MAN1C1: variants seen among roughly 807,000 people sequenced by gnomAD.
The protein encoded by MAN1C1 is mannosyl-oligosaccharide 1,2-alpha-mannosidase IC.
In MAN1C1, 49 loss-of-function variants were observed where a neutral mutation model predicts 71.5. The observed-to-expected ratio is 0.69, with a 90% confidence interval of 0.54 to 0.87. The LOEUF is 0.87. Ranked by LOEUF, MAN1C1 falls within the 40% of genes least tolerant of loss-of-function variation. MAN1C1 has a pLI of 0.00. For missense variants in MAN1C1, 743 were observed against 835.0 expected (o/e 0.89, Z 1.36); for synonymous variants, 352 against 343.7 (o/e 1.02, Z -0.27).
chr1:25,623,457 G>C (rs369872011), intron 1 of MAN1C1, among the ~76,000 whole-genome samples: 10 of 113,354 alleles, frequency 8.8e-5, no homozygotes, highest in Admixed American at 6.0e-4. Context: ...GTGGTGGTGG[G>C]GGGGGGTAAG....
chr1:25,652,753 G>A (rs1201251321), intron 1 of MAN1C1, among the ~76,000 whole-genome samples: 4 of 152,122 alleles, frequency 2.6e-5, no homozygotes, highest in Admixed American at 2.6e-4. Context: ...GATCACCCTC[G>A]GGGTTGCAGT....
At chr1:25,748,146 C>G (rs2047162640) in intron 3 of MAN1C1, among the ~76,000 whole-genome samples, 1 of 152,062 alleles carries the variant, frequency 6.6e-6, no homozygotes, top group South Asian at 2.1e-4. Context: ...GCCCACAGTG[C>G]CTTAGGAGCT....
At chr1:25,628,911 C>T (rs2045338851) in intron 1 of MAN1C1, among the ~76,000 whole-genome samples, 1 of 152,154 alleles carries the variant, frequency 6.6e-6, no homozygotes, top group Non-Finnish European at 1.5e-5. Context: ...CAAGTTGCTG[C>T]AAAAGATGTT....
intron 2 of MAN1C1, among the ~76,000 whole-genome samples, chr1:25,734,845 T>C (rs1265423334): frequency 6.6e-6 from 1 of 152,176 alleles, no homozygotes; most frequent in Non-Finnish European, 1.5e-5. Context: ...CAAATTACTG[T>C]AATAGAAGTT....
At chr1:25,636,897 G>A (rs2045469667) in intron 1 of MAN1C1, among the ~76,000 whole-genome samples, 1 of 152,192 alleles carries the variant, frequency 6.6e-6, no homozygotes, top group Non-Finnish European at 1.5e-5. Context: ...GCTCATGCCT[G>A]TAATCCCAGT....
intron 1 of MAN1C1, among the ~76,000 whole-genome samples, chr1:25,628,433 G>A (rs1281609506): frequency 2.6e-5 from 4 of 151,982 alleles, no homozygotes; most frequent in African/African-American, 9.7e-5. Context: ...TCAGTCTCCC[G>A]AGTAGCTGAG....
At chr1:25,682,921 C>T (rs781368458) in intron 1 of MAN1C1, among the ~76,000 whole-genome samples, 1 of 151,914 alleles carries the variant, frequency 6.6e-6, no homozygotes, top group Non-Finnish European at 1.5e-5. Context: ...GTCTGTAATC[C>T]CGGCTACTCG....
At chr1:25,680,253 A>G (rs1396416116) in intron 1 of MAN1C1, among the ~76,000 whole-genome samples, 2 of 152,008 alleles carry the variant, frequency 1.3e-5, no homozygotes, top group Non-Finnish European at 2.9e-5. Context: ...AGTAGAGACA[A>G]GATTTCACCA....
Position 25,746,621 on chromosome 1 carries a change from A to T in MAN1C1, c.638-47A>T, listed in dbSNP as rs556280415. 7.0e-7 allele frequency: 1 copy of T among 1,438,796 alleles called. No homozygotes were observed. The highest frequency in any genetic ancestry group is 9.7e-7 in the Non-Finnish European group (1 of 1,028,630). 89.1% of individuals were successfully genotyped at this position (1,438,796 alleles called of 1,614,324 possible). A position where few individuals can be genotyped will look rare whatever the true frequency, so the allele number is the denominator to read the frequency against. On this transcript the variant is annotated intron_variant, in intron 2 of 11. Coordinates refer to ENST00000374332, the MANE Select transcript of MAN1C1 (RefSeq NM_020379.4). This position sits in a 1 kb window ranked among gnomAD's most constrained non-coding sequence, Gnocchi z 4.0. ...ACGGTGGCTTGTCCAGTTGGGGAAAAGAGAAAGATGGCCCTGGGTCACACC... is the reference window on the plus strand; with the variant it reads ...ACGGTGGCTTGTCCAGTTGGGGAAATGAGAAAGATGGCCCTGGGTCACACC...
chr1:25,771,212 C>T (rs1453127634), intron 7 of MAN1C1, among the ~76,000 whole-genome samples: 2 of 152,242 alleles, frequency 1.3e-5, no homozygotes, highest in East Asian at 3.8e-4. Context: ...GCTTGGCCAG[C>T]TAAATTAAGG....
chr1:25,684,711 G>A (rs954084236), intron 1 of MAN1C1, among the ~76,000 whole-genome samples: 1 of 152,236 alleles, frequency 6.6e-6, no homozygotes, highest in Non-Finnish European at 1.5e-5. Context: ...GCGGGCACCA[G>A]GAGTGGCCGA....
At chr1:25,666,626 C>A (rs768199) in intron 1 of MAN1C1, among the ~76,000 whole-genome samples, 65,195 of 152,074 alleles carry the variant, frequency 0.43, 18,802 homozygotes, top group African/African-American at 0.8. Flanking sequence ...CTCCCCCCAC[C>A]ACTGGCAGCT....
At chr1:25,623,226 A>C (rs2045241866) in intron 1 of MAN1C1, among the ~76,000 whole-genome samples, 1 of 152,204 alleles carries the variant, frequency 6.6e-6, no homozygotes, top group Non-Finnish European at 1.5e-5. Context: ...TGTGCAGTTG[A>C]GTAAAGCTTA....
intron 2 of MAN1C1, among the ~76,000 whole-genome samples, chr1:25,720,989 T>C (rs767794734): frequency 3.9e-5 from 6 of 152,330 alleles, no homozygotes; most frequent in Non-Finnish European, 7.3e-5. Context: ...TAGTATCAGG[T>C]ATTATTTCTG....
At chr1:25,662,797 C>G (rs1233879220) in intron 1 of MAN1C1, among the ~76,000 whole-genome samples, 4 of 152,170 alleles carry the variant, frequency 2.6e-5, no homozygotes, top group Non-Finnish European at 5.9e-5. Flanking sequence ...CACGGTGGCT[C>G]ACGCCTGTAA....
At chr1:25,664,953 G>A (rs1164806258) in intron 1 of MAN1C1, among the ~76,000 whole-genome samples, 2 of 152,120 alleles carry the variant, frequency 1.3e-5, no homozygotes, top group African/African-American at 2.4e-5. Flanking sequence ...CAAGGCTGGC[G>A]GCTTTAATTA....
In MAN1C1 at chr1:25,631,741, T is replaced by C. The variant is rs559762051; in HGVS notation, c.540+13404T>C. ...GTTATGTCCTTTCCTGGTTTTGTTA[T>C]GAAAGTGATACTGGCTTCGTAGAAT... is the stretch of plus-strand genomic sequence containing the variant. On this transcript the variant is annotated intron_variant, in intron 1 of 11. Transcript: ENST00000374332. The surrounding 1 kb of genome is among the most constrained non-coding windows in gnomAD (Gnocchi z 4.2). Among the ~76,000 whole-genome samples the C allele has an allele frequency of 2.0e-5, 3 of 152,340 alleles. No individual in the cohort carries two copies. The highest frequency in any genetic ancestry group is 1.9e-4 in the East Asian group (1 of 5,194).
intron 7 of MAN1C1, among the ~76,000 whole-genome samples, chr1:25,768,345 C>CA (rs2047483997): frequency 1.0e-5 from 1 of 97,192 alleles, no homozygotes; most frequent in Non-Finnish European, 2.1e-5. Flanking sequence ...CTCACACACA[C>CA]CACACACACA....
chr1:25,617,819 G>A lies in MAN1C1; in HGVS notation c.22G>A (p.Gly8Ser), dbSNP rs2045127677. Residue 8 changes from glycine to serine, a missense_variant, in exon 1 of 12, where the codon GGC becomes AGC. Gly to Ser is a moderately conservative substitution (Grantham distance 56, BLOSUM62 0). Coordinates refer to ENST00000374332, the MANE Select transcript of MAN1C1 (RefSeq NM_020379.4). This position sits in a 1 kb window ranked among gnomAD's most constrained non-coding sequence, Gnocchi z 5.1. MLMRKVP[G>S]FVPASPWGLR... is the part of the protein sequence containing the mutation. Reference sequence around the variant, plus strand: ...CACGATGCTCATGAGGAAAGTGCCCGGCTTCGTCCCGGCCTCCCCGTGGGG... The same window carrying A: ...CACGATGCTCATGAGGAAAGTGCCCAGCTTCGTCCCGGCCTCCCCGTGGGG... The A allele has an allele frequency of 6.2e-7, 1 of 1,602,698 alleles. No homozygotes were observed. The highest frequency in any genetic ancestry group is 8.5e-7 in the Non-Finnish European group (1 of 1,176,020).
Sources: allele counts gnomAD v4.1 joint callset (sites outside exome capture counted in the v4.1 genomes callset), GRCh38; gene constraint gnomAD v4.1.1; non-coding constraint Gnocchi (gnomAD v3.1); transcripts MANE v1.5; gene names NCBI Gene and HGNC (gene_info 2026-07-23, HGNC 2026-07-21).